TENM4: variants seen among roughly 807,000 people sequenced by gnomAD.
The protein encoded by TENM4 is teneurin transmembrane protein 4, also known as teneurin-4.
Under a neutral mutation model 243.3 loss-of-function variants are expected in TENM4, and 82 were observed. That is an observed-to-expected ratio of 0.34 (90% CI 0.28 to 0.40). The LOEUF is 0.40. Among genes scored for constraint, TENM4 ranks in the 10% least tolerant of loss-of-function variants. The probability of loss-of-function intolerance (pLI) is 1.00; values close to 1 mark genes in which losing one functional copy is unlikely to be tolerated. For missense variants in TENM4, 3,138 were observed against 3,673.3 expected, an observed-to-expected ratio of 0.85 and a Z score of 3.77; for synonymous variants, 1,412 against 1,456.3, an observed-to-expected ratio of 0.97 and a Z score of 0.69.
intron 18 of TENM4, among the ~76,000 whole-genome samples, chr11:78,770,016 A>G (rs1333797592): frequency 1.3e-5 from 2 of 152,240 alleles, no homozygotes; most frequent in African/African-American, 2.4e-5. Flanking sequence ...AACATATTAG[A>G]AAGTCCTTTG....
intron 1 of TENM4, among the ~76,000 whole-genome samples, chr11:79,391,790 A>G (rs1858238743): frequency 6.6e-6 from 1 of 152,176 alleles, no homozygotes; most frequent in African/African-American, 2.4e-5. Context: ...TCAAAAATCT[A>G]AAAACAAACC....
intron 15 of TENM4, among the ~76,000 whole-genome samples, chr11:78,793,267 GAAGGGCCCCCGCCCA>G (rs1341189397): frequency 1.3e-5 from 2 of 152,150 alleles, no homozygotes; most frequent in African/African-American, 4.8e-5. Flanking sequence ...GTAGGGGGTA[GAAGGGCCCCCGCCCA>G]AAGATCTGCA....
At chr11:78,766,163 A>G (rs910396830) in intron 18 of TENM4, among the ~76,000 whole-genome samples, 3 of 152,226 alleles carry the variant, frequency 2.0e-5, no homozygotes, top group African/African-American at 7.2e-5. Context: ...ACAGTGAGCA[A>G]ATCAGGGAGC....
intron 3 of TENM4, among the ~76,000 whole-genome samples, chr11:79,190,293 C>A (rs1396919708): frequency 6.6e-6 from 1 of 152,234 alleles, no homozygotes; most frequent in Admixed American, 6.5e-5. Flanking sequence ...TCTCAAGTCT[C>A]AGCTTCCTCA....
At chr11:78,787,437 C>A (rs1393241208) in intron 15 of TENM4, among the ~76,000 whole-genome samples, 1 of 152,140 alleles carries the variant, frequency 6.6e-6, no homozygotes, top group Non-Finnish European at 1.5e-5. Flanking sequence ...CAAAGGGGAC[C>A]GGCATTCTGA....
intron 3 of TENM4, among the ~76,000 whole-genome samples, chr11:79,169,931 T>G (rs1054656999): frequency 6.6e-6 from 1 of 152,192 alleles, no homozygotes; most frequent in Non-Finnish European, 1.5e-5. Flanking sequence ...ACAGATTAAT[T>G]TGGAAAAAAT....
chr11:79,322,108 G>T, intron 1 of TENM4, among the ~76,000 whole-genome samples: 1 of 152,130 alleles, frequency 6.6e-6, no homozygotes, highest in East Asian at 1.9e-4. Context: ...ATCCCCTCTT[G>T]TGACTTACTC....
At chr11:78,959,661 G>A (rs1857276229) in intron 6 of TENM4, among the ~76,000 whole-genome samples, 1 of 152,150 alleles carries the variant, frequency 6.6e-6, no homozygotes, top group African/African-American at 2.4e-5. Context: ...TCAGAGCAAG[G>A]GCCTGGGGAA....
At chr11:78,800,838 T>C (rs978913862) in intron 15 of TENM4, among the ~76,000 whole-genome samples, 2 of 152,060 alleles carry the variant, frequency 1.3e-5, no homozygotes. Context: ...GGTTTGAATC[T>C]GGACTCCGCC....
intron 2 of TENM4, among the ~76,000 whole-genome samples, chr11:79,267,148 C>G (rs2135337281): frequency 6.6e-6 from 1 of 152,318 alleles, no homozygotes; most frequent in East Asian, 1.9e-4. Flanking sequence ...CACATGTAAT[C>G]AAGAACTGAA....
At chr11:79,257,624 C>T (rs934786196) in intron 2 of TENM4, among the ~76,000 whole-genome samples, 4 of 152,188 alleles carry the variant, frequency 2.6e-5, no homozygotes, top group African/African-American at 9.7e-5. Context: ...TGACACGTGT[C>T]TTTGACACAC....
intron 1 of TENM4, among the ~76,000 whole-genome samples, chr11:79,403,099 T>C (rs1390771356): frequency 6.6e-6 from 1 of 152,220 alleles, no homozygotes; most frequent in Non-Finnish European, 1.5e-5. Flanking sequence ...CGAAGGCAGT[T>C]TTGAGTTCCA....
intron 3 of TENM4, among the ~76,000 whole-genome samples, chr11:79,200,786 G>C (rs1863723026): frequency 6.6e-6 from 1 of 152,198 alleles, no homozygotes; most frequent in Admixed American, 6.5e-5. Flanking sequence ...TGAACGTTTT[G>C]CCTGTCACTA....
chr11:79,165,754 G>C (rs921657731), intron 3 of TENM4, among the ~76,000 whole-genome samples: 1 of 152,090 alleles, frequency 6.6e-6, no homozygotes, highest in African/African-American at 2.4e-5. Context: ...TTATCTTCGA[G>C]AATTTTTATT....
At chr11:79,159,531 G>C (rs1862696826) in intron 3 of TENM4, among the ~76,000 whole-genome samples, 1 of 152,080 alleles carries the variant, frequency 6.6e-6, no homozygotes, top group Non-Finnish European at 1.5e-5. Context: ...TGTAAAAAGG[G>C]GGATGGGGCT....
At position 78,658,730 on chromosome 11, in the gene TENM4, T is replaced by C. The variant is rs1307543673; in HGVS notation, c.7638A>G (p.Thr2546=). ...LERFDQLYGS[T]ITSCQQAPKT... is the part of the protein sequence containing the mutation. ...TTGGAGCCTGCTGGCAGCTGGTGAT[T>C]GTGGAGCCATAGAGCTGGTCAAACC... The change falls in exon 34 of 34, where the codon ACA becomes ACG. Residue 2546 remains threonine (T), a synonymous_variant. Coordinates refer to ENST00000278550, the MANE Select transcript of TENM4 (RefSeq NM_001098816.3). 6.2e-7 allele frequency: 1 copy of C among 1,613,884 alleles called. No individual in the cohort carries two copies. The highest frequency in any genetic ancestry group is 8.5e-7 in the Non-Finnish European group (1 of 1,179,900).
intron 6 of TENM4, among the ~76,000 whole-genome samples, chr11:78,946,381 GTTGAGAGCTACTGCT>G (rs1408861422): frequency 6.6e-6 from 1 of 152,178 alleles, no homozygotes; most frequent in East Asian, 1.9e-4. Context: ...TAAGCCCATT[GTTGAGAGCTACTGCT>G]CAGAAGAAAA....
intron 4 of TENM4, among the ~76,000 whole-genome samples, chr11:79,125,797 C>T (rs1361944216): frequency 6.6e-6 from 1 of 152,136 alleles, no homozygotes; most frequent in African/African-American, 2.4e-5. Flanking sequence ...TGTTGACTCT[C>T]TTCAGGAGCC....
At chr11:79,019,970 C>A (rs1005467201) in intron 6 of TENM4, among the ~76,000 whole-genome samples, 1 of 152,182 alleles carries the variant, frequency 6.6e-6, no homozygotes, top group Non-Finnish European at 1.5e-5. Context: ...TATTCTGTTG[C>A]TATTACTTTT....
Sources: allele counts gnomAD v4.1 joint callset (sites outside exome capture counted in the v4.1 genomes callset), GRCh38; gene constraint gnomAD v4.1.1; transcripts MANE v1.5; gene names NCBI Gene and HGNC (gene_info 2026-07-23, HGNC 2026-07-21).